KMT2C: variants seen among roughly 807,000 people sequenced by gnomAD.
KMT2C encodes lysine methyltransferase 2C, also known as histone-lysine N-methyltransferase 2C.
In KMT2C, 88 loss-of-function variants were observed where a neutral mutation model predicts 507.9. The ratio of observed to expected loss-of-function variants is 0.17; its 90% CI spans 0.15 to 0.21. KMT2C has a LOEUF of 0.21. Among genes scored for constraint, KMT2C ranks in the 10% least tolerant of loss-of-function variants. KMT2C has a pLI of 1.00. For synonymous variants in KMT2C, 2,049 were observed against 2,080.8 expected (o/e 0.98, Z 0.42); for missense variants, 4,954 against 5,957.8 (o/e 0.83, Z 5.55).
chr7:152,333,829 C>A (rs953047438), intron 2 of KMT2C, among the ~76,000 whole-genome samples: 1 of 151,720 alleles, frequency 6.6e-6, no homozygotes, highest in South Asian at 2.1e-4. Flanking sequence ...CTTAAAATAA[C>A]ATGTTTCTTT....
chr7:152,142,771 G>T (rs1184609587), intron 55 of KMT2C, among the ~76,000 whole-genome samples: 1 of 152,190 alleles, frequency 6.6e-6, no homozygotes. Flanking sequence ...ATGAAGCTAC[G>T]TCAGTTGATC....
Position 152,139,263 on chromosome 7 carries a change from AG to A in KMT2C, c.14461-5del. 2 of 1,613,096 alleles carry A rather than the reference AG, an allele frequency of 1.2e-6. No homozygotes were observed. The highest frequency in any genetic ancestry group is 1.7e-6 in the Non-Finnish European group (2 of 1,179,942). ...GGAACATGTACACACCACGGTTCTG[AG>A]GGAAAAGTCAGTCAGTAAGTCATCA... On this transcript the variant is annotated splice_polypyrimidine_tract_variant and splice_region_variant and intron_variant, in intron 56 of 58. Transcript: ENST00000262189.
chr7:152,230,339 C>T lies in KMT2C; in HGVS notation c.2770-18G>A. The T allele has an allele frequency of 8.7e-7, 1 of 1,149,456 alleles. No homozygotes were observed. The highest frequency in any genetic ancestry group is 2.1e-5 in the Admixed American group (1 of 47,782). The allele number at this position is 1,149,456 out of a possible 1,614,324, so 71.2% of individuals were successfully genotyped here. A position where few individuals can be genotyped will look rare whatever the true frequency, so the allele number is the denominator to read the frequency against. ...GTAGACACCTATAAAAAGCAAAATA[C>T]ACAGAATACGAAGTTATATTTTTCA... On this transcript the variant is annotated intron_variant, in intron 16 of 58. Coordinates refer to ENST00000262189, the MANE Select transcript of KMT2C (RefSeq NM_170606.3).
chr7:152,344,715 T>C (rs1045599389), intron 2 of KMT2C, among the ~76,000 whole-genome samples: 1 of 151,870 alleles, frequency 6.6e-6, no homozygotes, highest in African/African-American at 2.4e-5. Flanking sequence ...AGGCTGGGCA[T>C]GGTGGCTCAC....
intron 20 of KMT2C, among the ~76,000 whole-genome samples, chr7:152,223,046 T>C (rs1427456093): frequency 6.6e-6 from 1 of 152,204 alleles, no homozygotes; most frequent in African/African-American, 2.4e-5. Flanking sequence ...CTCCAGGTAA[T>C]GCATCTAACT....
intron 23 of KMT2C, among the ~76,000 whole-genome samples, chr7:152,216,936 G>T (rs1431757456): frequency 6.6e-6 from 1 of 152,144 alleles, no homozygotes; most frequent in East Asian, 1.9e-4. Flanking sequence ...TGGGTGCCTG[G>T]CATGCATCCT....
rs1491309235 is a variant in KMT2C at position 152,178,015 on chromosome 7, T to TTTAAAAAAA, written c.7443-6_7443-5insTTTTTTTAA. The TTTAAAAAAA allele has an allele frequency of 1.0e-4, 81 of 811,020 alleles. No individual in the cohort carries two copies. In the African/African-American group the frequency reaches 1.9e-3, roughly 19 times the overall value. 50.2% of individuals were successfully genotyped at this position (811,020 alleles called of 1,614,324 possible). ...CTACCTCCTGGAAATCCAAATCTTT[T>TTTAAAAAAA]AAAAAAAAAAAAAAAAAAAAAAAAA... On this transcript the variant is annotated splice_polypyrimidine_tract_variant and splice_region_variant and intron_variant, in intron 37 of 58. Coordinates refer to ENST00000262189, the MANE Select transcript of KMT2C (RefSeq NM_170606.3).
chr7:152,276,031 T>C (rs2096073558), intron 6 of KMT2C, among the ~76,000 whole-genome samples: 1 of 152,188 alleles, frequency 6.6e-6, no homozygotes. Flanking sequence ...ATATCTGCAA[T>C]GAAAAATATT....
chr7:152,234,894 G>A (rs1376863585), intron 16 of KMT2C, among the ~76,000 whole-genome samples: 1 of 151,612 alleles, frequency 6.6e-6, no homozygotes, highest in Non-Finnish European at 1.5e-5. Flanking sequence ...GAAAAAAAAA[G>A]AAGAAAAAAA....
At chr7:152,164,204 T>C (rs1270047747) in intron 42 of KMT2C, among the ~76,000 whole-genome samples, 2 of 152,080 alleles carry the variant, frequency 1.3e-5, no homozygotes, top group Non-Finnish European at 2.9e-5. Flanking sequence ...GAAATTACAA[T>C]ATACAATGTT....
intron 3 of KMT2C, among the ~76,000 whole-genome samples, chr7:152,317,107 A>G (rs1049475765): frequency 6.6e-6 from 1 of 152,234 alleles, no homozygotes; most frequent in African/African-American, 2.4e-5. Flanking sequence ...TATTGCAGAA[A>G]AATACCTTAG....
chr7:152,379,889 G>A (rs1195789970), intron 1 of KMT2C, among the ~76,000 whole-genome samples: 4 of 152,280 alleles, frequency 2.6e-5, no homozygotes, highest in African/African-American at 7.2e-5. Flanking sequence ...TGAGCCCATG[G>A]GTTCGAGACC....
intron 6 of KMT2C, among the ~76,000 whole-genome samples, chr7:152,302,343 C>A (rs557236118): frequency 2.6e-5 from 4 of 152,182 alleles, no homozygotes; most frequent in African/African-American, 9.6e-5. Context: ...CCTGCCTCAG[C>A]CTCTCGAGTA....
At chr7:152,384,531 T>C (rs2097402867) in intron 1 of KMT2C, among the ~76,000 whole-genome samples, 1 of 78,666 alleles carries the variant, frequency 1.3e-5, no homozygotes, top group Admixed American at 1.1e-4. Context: ...TCTGCTATAT[T>C]ATCCCCCATG....
At chr7:152,293,598 C>T (rs1279949024) in intron 6 of KMT2C, among the ~76,000 whole-genome samples, 1 of 152,124 alleles carries the variant, frequency 6.6e-6, no homozygotes, top group African/African-American at 2.4e-5. Context: ...CTAAACTTTA[C>T]ATTCAAGGGG....
intron 2 of KMT2C, among the ~76,000 whole-genome samples, chr7:152,353,768 G>C (rs779403592): frequency 1.3e-5 from 2 of 152,154 alleles, no homozygotes; most frequent in Non-Finnish European, 2.9e-5. Context: ...CAAAGGTCTA[G>C]GGTTATAGGT....
chr7:152,435,446 G>A (rs2097908833), intron 1 of KMT2C, among the ~76,000 whole-genome samples, 180 bp downstream of exon 1: 1 of 146,638 alleles, frequency 6.8e-6, no homozygotes, highest in Admixed American at 6.8e-5. Flanking sequence ...GAGGCCGGGC[G>A]CGGGCGGCTA....
At chr7:152,182,855 T>C in intron 35 of KMT2C, 119 bp downstream of exon 35, 1 of 742,580 alleles carries the variant, frequency 1.3e-6, no homozygotes, top group South Asian at 2.3e-5. Flanking sequence ...GAGAAACAAG[T>C]CTATCCTAAA....
At chr7:152,298,001 T>G (rs1200140688) in intron 6 of KMT2C, among the ~76,000 whole-genome samples, 1 of 151,546 alleles carries the variant, frequency 6.6e-6, no homozygotes, top group Non-Finnish European at 1.5e-5. Context: ...ACAAAAACAT[T>G]TGAGATGAAA....
Sources: gnomAD v4.1 joint callset for allele counts (sites outside exome capture counted in the v4.1 genomes callset) on GRCh38, gnomAD v4.1.1 for gene constraint, MANE v1.5 for transcripts, NCBI Gene and HGNC (gene_info 2026-07-23, HGNC 2026-07-21) for gene names.